Variants in PDIA5 observed in about 807,000 individuals in gnomAD.
The protein encoded by PDIA5 is protein disulfide isomerase family A member 5, also known as protein disulfide-isomerase A5.
PDIA5 carries 58 observed loss-of-function variants against 77.6 expected under a neutral mutation model. That is an observed-to-expected ratio of 0.75 (90% CI 0.61 to 0.93). The LOEUF is 0.93. Ranked by LOEUF, PDIA5 falls within the 40% of genes least tolerant of loss-of-function variation. PDIA5 has a pLI of 0.00. For missense variants in PDIA5, 630 were observed against 647.7 expected (o/e 0.97, Z 0.30); for synonymous variants, 250 against 252.1 (o/e 0.99, Z 0.08).
intron 15 of PDIA5, among the ~76,000 whole-genome samples, chr3:123,157,218 A>G (rs1277009929): frequency 2.0e-5 from 3 of 152,112 alleles, no homozygotes; most frequent in Non-Finnish European, 4.4e-5. Flanking sequence ...GGTTTCCTGG[A>G]GGTTATATTC....
chr3:123,081,576 C>A (rs1238347080), intron 1 of PDIA5, among the ~76,000 whole-genome samples: 3 of 152,206 alleles, frequency 2.0e-5, no homozygotes, highest in Admixed American at 6.5e-5. Context: ...CCTGTTTCTT[C>A]ACAGTTCTTA....
intron 1 of PDIA5, among the ~76,000 whole-genome samples, chr3:123,079,913 T>TGA (rs966248212): frequency 5.3e-5 from 8 of 152,174 alleles, no homozygotes; most frequent in African/African-American, 1.9e-4. Flanking sequence ...TTTTGACTTA[T>TGA]GAGAGCCTAG....
At chr3:123,110,375 G>A (rs1265554660) in intron 6 of PDIA5, among the ~76,000 whole-genome samples, 1 of 152,168 alleles carries the variant, frequency 6.6e-6, no homozygotes, top group Non-Finnish European at 1.5e-5. Flanking sequence ...GGACTCCTGG[G>A]GATAAGGATG....
chr3:123,106,673 G>A (rs913067296), intron 5 of PDIA5, 76 bp from the exon 6 acceptor site: 4 of 1,035,414 alleles, frequency 3.9e-6, no homozygotes, highest in African/African-American at 3.2e-5. Context: ...CAGGGAAAGA[G>A]GACAGGTTCC....
At chr3:123,127,511 A>G (rs74965181) in intron 10 of PDIA5, among the ~76,000 whole-genome samples, 2,303 of 152,310 alleles carry the variant, frequency 0.015, 65 homozygotes, top group African/African-American at 0.053. Context: ...AAGGACCACA[A>G]TGCACTATCT....
chr3:123,140,019 G>A (rs958194018), intron 11 of PDIA5, among the ~76,000 whole-genome samples: 1 of 152,200 alleles, frequency 6.6e-6, no homozygotes, highest in Non-Finnish European at 1.5e-5. Flanking sequence ...ATAGCATGAG[G>A]CGCCTTTGGG....
chr3:123,151,174 G>A (rs1935884349), intron 14 of PDIA5, among the ~76,000 whole-genome samples: 1 of 152,132 alleles, frequency 6.6e-6, no homozygotes, highest in Non-Finnish European at 1.5e-5. Context: ...GGTCTGAGAG[G>A]GGCCGCCACA....
intron 11 of PDIA5, among the ~76,000 whole-genome samples, chr3:123,141,330 T>G (rs1935629658): frequency 6.6e-6 from 1 of 152,096 alleles, no homozygotes; most frequent in Non-Finnish European, 1.5e-5. Flanking sequence ...CTCTCCCACC[T>G]CCCTGGAGGC....
chr3:123,131,801 A>T (rs1935376373), intron 11 of PDIA5, among the ~76,000 whole-genome samples: 1 of 151,808 alleles, frequency 6.6e-6, no homozygotes, highest in South Asian at 2.1e-4. Context: ...GGTTTCCAAG[A>T]GGGACAAGGC....
intron 3 of PDIA5, among the ~76,000 whole-genome samples, chr3:123,093,258 G>GGT (rs3080445): frequency 0.16 from 24,321 of 148,468 alleles, 2,179 homozygotes; most frequent in Admixed American, 0.29. Context: ...TGCTGTAGAG[G>GGT]GTGTGTGTGT....
intron 11 of PDIA5, among the ~76,000 whole-genome samples, chr3:123,133,784 A>C (rs752528302): frequency 1.2e-4 from 18 of 152,246 alleles, no homozygotes; most frequent in Non-Finnish European, 2.1e-4. Context: ...GTACCCCAAC[A>C]AACCGAAATA....
intron 11 of PDIA5, among the ~76,000 whole-genome samples, chr3:123,141,461 C>CA (rs1428997115): frequency 2.6e-5 from 4 of 152,206 alleles, no homozygotes; most frequent in African/African-American, 9.6e-5. Context: ...ATGGACCACT[C>CA]ACATCTCTCC....
chr3:123,103,603 A>G (rs144878614), intron 5 of PDIA5, among the ~76,000 whole-genome samples: 205 of 152,184 alleles, frequency 1.3e-3, no homozygotes, highest in African/African-American at 4.4e-3. Flanking sequence ...TGCAGCTGTC[A>G]GTGTCCCTCT....
intron 8 of PDIA5, among the ~76,000 whole-genome samples, chr3:123,123,611 C>G: frequency 6.6e-6 from 1 of 152,206 alleles, no homozygotes; most frequent in Non-Finnish European, 1.5e-5. Context: ...TGTCTAAGGA[C>G]GTTGTACAGA....
intron 1 of PDIA5, among the ~76,000 whole-genome samples, chr3:123,086,662 G>A (rs892938383): frequency 2.6e-5 from 4 of 152,202 alleles, no homozygotes; most frequent in African/African-American, 9.7e-5. Flanking sequence ...TCTGCAGGCT[G>A]TTGAACAGTT....
chr3:123,089,394 G>A, intron 2 of PDIA5, 100 bp downstream of exon 2: 1 of 1,212,032 alleles, frequency 8.3e-7, no homozygotes, highest in Non-Finnish European at 1.2e-6. Flanking sequence ...AACCACTTAG[G>A]GAGGGTCCAA....
Position 123,145,516 on chromosome 3 carries a change from C to T in PDIA5, c.911-6C>T. The T allele has an allele frequency of 6.2e-7, 1 of 1,613,198 alleles. No homozygotes were observed. Among genetic ancestry groups the T allele is most frequent in the Non-Finnish European group, 8.5e-7 (1 of 1,179,132 alleles). ...AAGAATGGTTTCTCTTGATCTCTCC[C>T]CACAGGGTGTGGCCACTGTAAGAAA... On this transcript the variant is annotated splice_polypyrimidine_tract_variant and splice_region_variant and intron_variant, in intron 11 of 16. Coordinates refer to ENST00000316218, the MANE Select transcript of PDIA5 (RefSeq NM_006810.4).
At chr3:123,116,347 GCGGA>G in intron 8 of PDIA5, 49 bp downstream of exon 8, 1 of 1,500,296 alleles carries the variant, frequency 6.7e-7, no homozygotes, top group Non-Finnish European at 9.2e-7. Flanking sequence ...CTTGGACTTG[GCGGA>G]GGAAGGGTGC....
chr3:123,138,292 A>G (rs896140683), intron 11 of PDIA5, among the ~76,000 whole-genome samples: 1 of 152,154 alleles, frequency 6.6e-6, no homozygotes, highest in African/African-American at 2.4e-5. Context: ...TTTCCTTTAC[A>G]TAGTCCCCTT....
Sources: gnomAD v4.1 joint callset for allele counts (sites outside exome capture counted in the v4.1 genomes callset) on GRCh38, gnomAD v4.1.1 for gene constraint, MANE v1.5 for transcripts, NCBI Gene and HGNC (gene_info 2026-07-23, HGNC 2026-07-21) for gene names.